The following MLLT10 variants were observed in gnomAD, a reference collection of about 807,000 sequenced individuals.
MLLT10 encodes the protein MLLT10 histone lysine methyltransferase DOT1L cofactor.
Under a neutral mutation model 129.1 loss-of-function variants are expected in MLLT10, and 30 were observed. The ratio of observed to expected loss-of-function variants is 0.23; its 90% CI spans 0.17 to 0.32. The LOEUF is 0.32. Among genes scored for constraint, MLLT10 ranks in the 10% least tolerant of loss-of-function variants. MLLT10 has a pLI of 1.00. For synonymous variants in MLLT10, 490 were observed against 446.4 expected (o/e 1.10, Z -1.23); for missense variants, 1,119 against 1,268.3 (o/e 0.88, Z 1.79).
chr10:21,711,485 G>T (rs758248756), intron 13 of MLLT10, among the ~76,000 whole-genome samples: 18 of 151,926 alleles, frequency 1.2e-4, no homozygotes, highest in Non-Finnish European at 2.1e-4. Flanking sequence ...CACTTTGGGA[G>T]GTTGAGGTGG....
intron 3 of MLLT10, chr10:21,551,929 G>T: frequency 3.4e-6 from 1 of 293,190 alleles, no homozygotes; most frequent in Non-Finnish European, 6.7e-6. Context: ...CAAGTAGGTG[G>T]GATTACAGGC....
At chr10:21,705,385 C>T (rs1040548375) in intron 13 of MLLT10, among the ~76,000 whole-genome samples, 1 of 152,150 alleles carries the variant, frequency 6.6e-6, no homozygotes, top group Non-Finnish European at 1.5e-5. Flanking sequence ...CTGGCATGGG[C>T]TGAGGGTGGG....
At chr10:21,649,321 C>T (rs2048800932) in intron 8 of MLLT10, among the ~76,000 whole-genome samples, 1 of 152,204 alleles carries the variant, frequency 6.6e-6, no homozygotes, top group South Asian at 2.1e-4. Flanking sequence ...AAGTGATCCT[C>T]CTGCCTTGGC....
Position 21,742,624 on chromosome 10 carries a change from T to C in MLLT10, c.*641T>C, listed in dbSNP as rs1833821570. The C allele has an allele frequency of 4.5e-6, 1 of 221,786 alleles. No homozygotes were observed. Among genetic ancestry groups the C allele is most frequent in the Non-Finnish European group, 9.0e-6 (1 of 110,884 alleles). The allele number at this position is 221,786 out of a possible 1,614,324, so 13.7% of individuals were successfully genotyped here. A position where few individuals can be genotyped will look rare whatever the true frequency, so the allele number is the denominator to read the frequency against. Reference sequence around the variant, plus strand: ...GCTAAAGGTAATTTTCTTTTGAGAATTGCTTTCTTTAGTGTTAAGACCTAC... The same window carrying C: ...GCTAAAGGTAATTTTCTTTTGAGAACTGCTTTCTTTAGTGTTAAGACCTAC... On this transcript the variant is annotated 3_prime_UTR_variant, in exon 23 of 23. Transcript: ENST00000307729.
chr10:21,622,079 G>A (rs569472760), intron 8 of MLLT10, among the ~76,000 whole-genome samples: 58 of 151,754 alleles, frequency 3.8e-4, no homozygotes, highest in African/African-American at 1.4e-3. Flanking sequence ...CGAGCAAGGA[G>A]AGAAGAAAAG....
chr10:21,644,699 T>C (rs767281437), intron 8 of MLLT10, among the ~76,000 whole-genome samples: 7 of 152,170 alleles, frequency 4.6e-5, no homozygotes, highest in Non-Finnish European at 8.8e-5. Context: ...TGGAGTGCAG[T>C]GGCATGATCA....
chr10:21,710,727 G>T (rs2055996287), intron 13 of MLLT10, among the ~76,000 whole-genome samples: 1 of 152,182 alleles, frequency 6.6e-6, no homozygotes, highest in Admixed American at 6.5e-5. Flanking sequence ...TCATTTATAG[G>T]ATACCTGTGA....
At chr10:21,628,648 G>A (rs2046700799) in intron 8 of MLLT10, among the ~76,000 whole-genome samples, 1 of 151,538 alleles carries the variant, frequency 6.6e-6, no homozygotes, top group African/African-American at 2.4e-5. Context: ...TGCCATGTCG[G>A]TCAGGCTGGT....
intron 3 of MLLT10, among the ~76,000 whole-genome samples, chr10:21,540,734 T>TA (rs2035002986): frequency 6.6e-6 from 1 of 152,216 alleles, no homozygotes; most frequent in Admixed American, 6.5e-5. Flanking sequence ...GACATCTTGT[T>TA]ATAGCAAATT....
Position 21,568,123 on chromosome 10 carries a change from G to T in MLLT10, c.241-18171G>T, listed in dbSNP as rs182033654. Among the ~76,000 whole-genome samples the T allele has an allele frequency of 1.2e-3, 176 of 152,226 alleles. 2 individuals are homozygous for T. Among genetic ancestry groups the T allele is most frequent in the Non-Finnish European group, 2.0e-3 (133 of 68,004 alleles). The stretch of plus-strand genomic sequence containing the variant: ...ATGAGCCACCGCACCCGGCCTTGTT[G>T]GGGGTTCTTTTATTTGGTCAGTGCC... On this transcript the variant is annotated intron_variant, in intron 3 of 22. Coordinates refer to ENST00000307729, the MANE Select transcript of MLLT10 (RefSeq NM_001195626.3).
intron 13 of MLLT10, among the ~76,000 whole-genome samples, chr10:21,704,981 C>T (rs2055355039): frequency 6.6e-6 from 1 of 152,090 alleles, no homozygotes; most frequent in African/African-American, 2.4e-5. Context: ...CCCAGGGTGG[C>T]ATATGCTGGT....
intron 8 of MLLT10, among the ~76,000 whole-genome samples, chr10:21,648,047 A>C (rs927832394): frequency 6.6e-6 from 1 of 152,150 alleles, no homozygotes; most frequent in Non-Finnish European, 1.5e-5. Context: ...TAAATTATTA[A>C]CCAGTTCTAG....
rs1018450205 is a variant in MLLT10, at chr10:21,734,230, C to G, written c.2858+101C>G. 5.6e-6 allele frequency: 8 copies of G among 1,418,228 alleles called. No homozygotes were observed. The Admixed American group carries it at 1.7e-4, about 30-fold the overall frequency. 87.9% of individuals were successfully genotyped at this position (1,418,228 alleles called of 1,614,324 possible). On this transcript the variant is annotated intron_variant, in intron 20 of 22. Coordinates refer to ENST00000307729, the MANE Select transcript of MLLT10 (RefSeq NM_001195626.3). The stretch of plus-strand genomic sequence containing the variant: ...TTCAATGTGTTCCTTTGTAGATACA[C>G]CTTAAGAAGTCTGCCAAAAATTTTA...
intron 3 of MLLT10, among the ~76,000 whole-genome samples, chr10:21,562,499 G>A (rs1165898897): frequency 2.6e-5 from 4 of 151,300 alleles, no homozygotes; most frequent in Middle Eastern, 3.2e-3. Context: ...CATCACGCCC[G>A]GCTAATTTTT....
At chr10:21,558,872 A>G (rs1231400719) in intron 3 of MLLT10, among the ~76,000 whole-genome samples, 1 of 152,132 alleles carries the variant, frequency 6.6e-6, no homozygotes, top group Non-Finnish European at 1.5e-5. Flanking sequence ...TAAAATTACT[A>G]TAGCTTCATA....
chr10:21,706,835 T>C (rs554740860), intron 13 of MLLT10, among the ~76,000 whole-genome samples: 1 of 152,314 alleles, frequency 6.6e-6, no homozygotes, highest in East Asian at 1.9e-4. Flanking sequence ...TCTCCTGAGA[T>C]CACTGTTTGT....
chr10:21,653,016 A>G (rs180935717), intron 9 of MLLT10, among the ~76,000 whole-genome samples: 34 of 152,300 alleles, frequency 2.2e-4, no homozygotes, highest in Admixed American at 9.2e-4. Flanking sequence ...AAAGAGGGGA[A>G]AGACTGTGGG....
chr10:21,713,128 A>G (rs2056253919), intron 13 of MLLT10, among the ~76,000 whole-genome samples: 1 of 152,066 alleles, frequency 6.6e-6, no homozygotes, highest in African/African-American at 2.4e-5. Flanking sequence ...CCAGTTCATC[A>G]TGTCTTAATC....
intron 4 of MLLT10, among the ~76,000 whole-genome samples, chr10:21,589,324 G>A (rs2042282884): frequency 7.5e-6 from 1 of 133,690 alleles, no homozygotes. Flanking sequence ...CTATTCCAAA[G>A]TTTTTTTTTT....
Sources: gnomAD v4.1 joint callset for allele counts (sites outside exome capture counted in the v4.1 genomes callset) on GRCh38, gnomAD v4.1.1 for gene constraint, MANE v1.5 for transcripts, NCBI Gene and HGNC (gene_info 2026-07-23, HGNC 2026-07-21) for gene names.